The following FAM178B variants were observed in gnomAD, a reference collection of about 807,000 sequenced individuals.
FAM178B encodes protein FAM178B.
A neutral mutation model predicts 91.7 loss-of-function variants in FAM178B; 82 were observed. The observed-to-expected ratio is 0.89, with a 90% CI of 0.75 to 1.07. The LOEUF (loss-of-function observed/expected upper bound fraction) is 1.07, where lower values mean the gene tolerates loss of function less well. FAM178B is among the 50% of genes least tolerant of loss of function. FAM178B has a pLI of 0.00. For synonymous variants in FAM178B, 368 were observed against 359.4 expected (o/e 1.02, Z -0.27); for missense variants, 769 against 846.7 (o/e 0.91, Z 1.14).
At position 96,877,960 on chromosome 2, in the gene FAM178B, G is replaced by T; in HGVS notation, c.1937C>A (p.Thr646Asn). 6.2e-7 allele frequency: 1 copy of T among 1,613,862 alleles called. No individual in the cohort carries two copies. The highest frequency in any genetic ancestry group is 1.1e-5 in the South Asian group (1 of 91,084). The change falls in exon 16 of 17, where the codon ACC becomes AAC. Residue 646 changes from threonine (T) to asparagine (N), a missense_variant. Thr to Asn is a moderately conservative substitution (Grantham distance 65). Transcript: ENST00000490605. ...IRESPQAMHR[T>N]MLKDLATQTY... is the part of the protein sequence containing the mutation. The stretch of plus-strand genomic sequence containing the variant: ...CTGGGTAGCCAGGTCCTTGAGCATG[G>T]TGCGGTGCATGGCCTGGGGGCTCTC...
At chr2:96,947,543 C>T (rs1318720184) in intron 8 of FAM178B, among the ~76,000 whole-genome samples, 1 of 152,238 alleles carries the variant, frequency 6.6e-6, no homozygotes, top group East Asian at 1.9e-4. Flanking sequence ...AACCCACTGT[C>T]CTGGACTGCT....
At chr2:96,958,697 TAAAAAAAAAAAAAAAAAAAAA>T (rs55924441) in intron 6 of FAM178B, among the ~76,000 whole-genome samples, 10 of 55,536 alleles carry the variant, frequency 1.8e-4, no homozygotes, top group South Asian at 1.7e-3. Flanking sequence ...CTCAAAATAC[TAAAAAAAAAAAAAAAAAAAAA>T]AAAAAAAAAA....
At position 96,877,887 on chromosome 2, in the gene FAM178B, C is replaced by T. The variant is rs376843836; in HGVS notation, c.2007+3G>A. 31 of 1,612,260 alleles carry T rather than the reference C, an allele frequency of 1.9e-5. No homozygotes were observed. In the African/African-American group the frequency reaches 3.2e-4, roughly 17 times the overall value. ...CAGGTCTGGGGGCTAGAGGGGGCAC[C>T]ACCTGGGGCTGGCAGTGGGTCAGCA... On this transcript the variant is annotated splice_donor_region_variant and intron_variant, in intron 16 of 16. Transcript: ENST00000490605.
chr2:96,929,177 A>G, intron 9 of FAM178B, 29 bp downstream of exon 9: 1 of 1,428,860 alleles, frequency 7.0e-7, no homozygotes, highest in Non-Finnish European at 9.7e-7. Flanking sequence ...TATGAAAGAA[A>G]AAGGCAGTGA....
chr2:96,876,644 C>T (rs113939032), intron 16 of FAM178B, among the ~76,000 whole-genome samples: 2 of 152,060 alleles, frequency 1.3e-5, no homozygotes, highest in Admixed American at 6.5e-5. Flanking sequence ...AGAGACTTGG[C>T]GAAATCTGAG....
chr2:96,925,910 T>C (rs1045882485), intron 9 of FAM178B, among the ~76,000 whole-genome samples: 30 of 152,340 alleles, frequency 2.0e-4, no homozygotes, highest in Non-Finnish European at 4.0e-4. Flanking sequence ...AAGAGCTGCC[T>C]CTTTAATCAA....
chr2:96,949,364 C>A (rs1192851066), intron 7 of FAM178B, among the ~76,000 whole-genome samples: 1 of 152,304 alleles, frequency 6.6e-6, no homozygotes, highest in African/African-American at 2.4e-5. Context: ...TTTGACTGGA[C>A]AAGGGGACCA....
intron 9 of FAM178B, among the ~76,000 whole-genome samples, chr2:96,925,805 T>C (rs1270408048): frequency 6.6e-6 from 1 of 152,106 alleles, no homozygotes; most frequent in Non-Finnish European, 1.5e-5. Flanking sequence ...CCCCAAAAGT[T>C]GAAAAAATAA....
In FAM178B at chr2:96,935,668, C is replaced by T. The variant is rs2081611677; in HGVS notation, c.1079-6348G>A. On this transcript the variant is annotated intron_variant, in intron 8 of 16. Transcript: ENST00000490605. ...TTTTGTTTGGAGACGGAGTCTTGCT[C>T]TGTCACCCAGGCTGGAGTGCAGTGG... 1.3e-5 allele frequency among the ~76,000 whole-genome samples: 2 copies of T among 151,276 alleles called. 1 individual carries two copies. Among genetic ancestry groups the T allele is most frequent in the African/African-American group, 4.9e-5 (2 of 40,646 alleles).
Position 96,883,090 on chromosome 2 carries a change from G to A in FAM178B, c.1777-4597C>T, listed in dbSNP as rs191329565. On this transcript the variant is annotated intron_variant, in intron 14 of 16. Transcript: ENST00000490605. ...TGGCTCTACAGCCTTCAAGGGGGCC[G>A]TGCCCTCCCCCTGGGGAAGGAATGA... Among the ~76,000 whole-genome samples, 727 of 152,308 alleles carry A rather than the reference G, an allele frequency of 4.8e-3. 31 individuals carry two copies. Among genetic ancestry groups the A allele is most frequent in the Admixed American group, 0.043 (658 of 15,304 alleles).
chr2:96,921,338 G>C (rs1354598161), intron 11 of FAM178B, 76 bp from the exon 12 acceptor site: 2 of 1,504,904 alleles, frequency 1.3e-6, no homozygotes, highest in Non-Finnish European at 1.8e-6. Context: ...GCCCGCACAG[G>C]GGAGTAAGTG....
chr2:96,985,438 G>A (rs2082410847), intron 1 of FAM178B, among the ~76,000 whole-genome samples: 1 of 152,122 alleles, frequency 6.6e-6, no homozygotes, highest in African/African-American at 2.4e-5. Flanking sequence ...AGCCTTTAGC[G>A]TTCAGCCGCC....
chr2:96,919,176 T>A (rs957688164), intron 12 of FAM178B, among the ~76,000 whole-genome samples: 1 of 152,130 alleles, frequency 6.6e-6, no homozygotes, highest in Non-Finnish European at 1.5e-5. Flanking sequence ...ACTAGGGAAA[T>A]ACTATGCAGC....
intron 12 of FAM178B, among the ~76,000 whole-genome samples, chr2:96,913,142 G>A (rs1226232277): frequency 6.6e-6 from 1 of 152,254 alleles, no homozygotes; most frequent in East Asian, 1.9e-4. Context: ...AGGACTGCCA[G>A]GATCCAGAAT....
intron 9 of FAM178B, among the ~76,000 whole-genome samples, chr2:96,925,241 G>A (rs559328818): frequency 6.6e-6 from 1 of 152,286 alleles, no homozygotes; most frequent in African/African-American, 2.4e-5. Flanking sequence ...ACGCTGCCAA[G>A]GGGAGAAGGA....
intron 13 of FAM178B, among the ~76,000 whole-genome samples, chr2:96,902,042 C>T (rs1030583154): frequency 6.6e-6 from 1 of 151,986 alleles, no homozygotes; most frequent in Admixed American, 6.6e-5. Context: ...CAGGCGATCC[C>T]GCCCACCTCA....
rs1434834002 is a variant in FAM178B at position 96,876,174 on chromosome 2, A to G, written c.*102T>C. On this transcript the variant is annotated 3_prime_UTR_variant, in exon 17 of 17. Coordinates refer to ENST00000490605, the MANE Select transcript of FAM178B (RefSeq NM_001122646.3). ...CTCTTGCCTCATCAGGCTGGTCAGC[A>G]TGTGGCCTCCTCTGGCCTTGATGCT... 3.2e-6 allele frequency: 4 copies of G among 1,235,418 alleles called. No homozygotes were observed. The highest frequency in any genetic ancestry group is 1.5e-5 in the African/African-American group (1 of 66,388). The allele number at this position is 1,235,418 out of a possible 1,614,324, so 76.5% of individuals were successfully genotyped here.
At position 96,875,902 on chromosome 2, in the gene FAM178B, A is replaced by C; in HGVS notation, c.*374T>G. 2 of 267,462 alleles carry C rather than the reference A, an allele frequency of 7.5e-6. No individual in the cohort carries two copies. Among genetic ancestry groups the C allele is most frequent in the Admixed American group, 5.0e-5 (1 of 20,132 alleles). 16.6% of individuals were successfully genotyped at this position (267,462 alleles called of 1,614,324 possible). On this transcript the variant is annotated 3_prime_UTR_variant, in exon 17 of 17. Coordinates refer to ENST00000490605, the MANE Select transcript of FAM178B (RefSeq NM_001122646.3). The stretch of plus-strand genomic sequence containing the variant: ...ACCACTGATGCTGAAAGAAGACTTT[A>C]ATGTGCACAAAGAAACCTCACATTA...
intron 10 of FAM178B, 39 bp from the exon 11 acceptor site, chr2:96,921,693 G>C: frequency 5.2e-6 from 8 of 1,543,906 alleles, no homozygotes; most frequent in Non-Finnish European, 7.0e-6. Flanking sequence ...CCAGGGCATG[G>C]GGGAACGGGA....
Sources: allele counts gnomAD v4.1 joint callset (sites outside exome capture counted in the v4.1 genomes callset), GRCh38; gene constraint gnomAD v4.1.1; transcripts MANE v1.5; gene names NCBI Gene and HGNC (gene_info 2026-07-23, HGNC 2026-07-21).